The following HDAC1 variants were observed in gnomAD, a reference collection of about 807,000 sequenced individuals.
HDAC1 encodes histone deacetylase 1, also known as protein deacetylase HDAC1.
In HDAC1, 18 loss-of-function variants were observed where a neutral mutation model predicts 65.5. The ratio of observed to expected loss-of-function variants is 0.27; its 90% CI spans 0.19 to 0.41. The LOEUF (loss-of-function observed/expected upper bound fraction) is 0.41. Ranked by LOEUF, HDAC1 falls within the 10% of genes least tolerant of loss-of-function variation. The pLI is 1.00. For synonymous variants in HDAC1, 211 were observed against 227.9 expected, an observed-to-expected ratio of 0.93 and a Z score of 0.67; for missense variants, 373 against 625.2, an observed-to-expected ratio of 0.60 and a Z score of 4.30.
At chr1:32,321,322 G>GC (rs1321674211) in intron 3 of HDAC1, among the ~76,000 whole-genome samples, 3 of 151,866 alleles carry the variant, frequency 2.0e-5, no homozygotes, top group Non-Finnish European at 4.4e-5. Context: ...TACAGTTGAT[G>GC]CCCCCTTGGG....
rs1641320940 is a variant in HDAC1, at chr1:32,333,080, C to T, written c.*36C>T. The stretch of plus-strand genomic sequence containing the variant: ...CCAGCTCTGGCTTCCTGCTGAGTCC[C>T]TCACGTTTCTTCCCCAACCCCTCAG... On this transcript the variant is annotated 3_prime_UTR_variant, in exon 14 of 14. Coordinates refer to ENST00000373548, the MANE Select transcript of HDAC1 (RefSeq NM_004964.3). The T allele has an allele frequency of 1.9e-6, 3 of 1,581,764 alleles. No individual in the cohort carries two copies. The highest frequency in any genetic ancestry group is 1.7e-5 in the Admixed American group (1 of 59,662).
chr1:32,323,418 A>G (rs1210220776), intron 3 of HDAC1, among the ~76,000 whole-genome samples: 1 of 152,058 alleles, frequency 6.6e-6, no homozygotes, highest in South Asian at 2.1e-4. Context: ...TTTTTGAGAC[A>G]GGGTCTCACT....
At chr1:32,326,497 A>G (rs189667130) in intron 4 of HDAC1, among the ~76,000 whole-genome samples, 258 of 152,254 alleles carry the variant, frequency 1.7e-3, no homozygotes, top group Non-Finnish European at 2.9e-3. Flanking sequence ...TTCCTTGACC[A>G]TGAGCCATAG....
In HDAC1 at chr1:32,331,763, G is replaced by C. The variant is rs768154680; in HGVS notation, c.1176G>C (p.Glu392Asp). 22 of 1,613,916 alleles carry C rather than the reference G, an allele frequency of 1.4e-5. No homozygotes were observed. The highest frequency in any genetic ancestry group is 1.7e-5 in the Admixed American group (1 of 59,982). The part of the protein sequence containing the change: ...QAIPEDAIPE[E>D]SGDEDEDDPD... ...TTCCTGAGGACGCCATCCCTGAGGA[G>C]AGTGGCGATGAGGACGAAGACGACC... The change falls in exon 11 of 14, where the codon GAG becomes GAC. Residue 392 changes from glutamate to aspartate, a missense_variant. Physicochemically the swap from Glu to Asp is conservative, Grantham distance 45 (BLOSUM62 2). Around this residue, in one of 4 missense-constraint regions of HDAC1, gnomAD observed 126 missense variants for 126.2 expected, o/e 1.00. Coordinates refer to ENST00000373548, the MANE Select transcript of HDAC1 (RefSeq NM_004964.3). The surrounding 1 kb of genome is among the most constrained non-coding windows in gnomAD (Gnocchi z 4.2).
In HDAC1 at chr1:32,324,502, G is replaced by T; in HGVS notation, c.304G>T (p.Val102Leu). The T allele has an allele frequency of 6.2e-7, 1 of 1,613,054 alleles. No homozygotes were observed. The highest frequency in any genetic ancestry group is 8.5e-7 in the Non-Finnish European group (1 of 1,178,988). Reference sequence around the variant, plus strand: ...AGTCAACGTTGGTGAGGACTGTCCAGTATTCGATGGCCTGTTTGAGTTCTG... The same window carrying T: ...AGTCAACGTTGGTGAGGACTGTCCATTATTCGATGGCCTGTTTGAGTTCTG... ...QRFNVGEDCP[V>L]FDGLFEFCQL... Residue 102 changes from valine (V) to leucine (L), a missense_variant, in exon 4 of 14, where the codon GTA (valine) becomes TTA (leucine). Val to Leu is a conservative substitution (Grantham distance 32). Transcript: ENST00000373548.
intron 3 of HDAC1, among the ~76,000 whole-genome samples, chr1:32,318,046 G>A (rs989205230): frequency 1.3e-5 from 2 of 152,094 alleles, no homozygotes; most frequent in Admixed American, 6.6e-5. Flanking sequence ...CACAACCTCC[G>A]TCTCCCGGCT....
At chr1:32,298,814 A>G (rs1640807212) in intron 1 of HDAC1, among the ~76,000 whole-genome samples, 1 of 151,764 alleles carries the variant, frequency 6.6e-6, no homozygotes, top group Non-Finnish European at 1.5e-5. Context: ...CCTGGGCAAC[A>G]TGGTGAAACC....
At chr1:32,311,545 A>G (rs567121074) in intron 2 of HDAC1, among the ~76,000 whole-genome samples, 11 of 152,250 alleles carry the variant, frequency 7.2e-5, no homozygotes, top group African/African-American at 2.6e-4. Flanking sequence ...AAACCCGGGA[A>G]AGAAGGACAT....
intron 1 of HDAC1, 161 bp downstream of exon 1, chr1:32,292,379 C>A: frequency 1.0e-6 from 1 of 985,022 alleles, no homozygotes; most frequent in Non-Finnish European, 1.2e-6. Context: ...AGGGAGGAGG[C>A]TGCGAGGAAG....
intron 1 of HDAC1, among the ~76,000 whole-genome samples, chr1:32,294,331 T>C (rs1640738400): frequency 6.6e-6 from 1 of 151,036 alleles, no homozygotes; most frequent in Non-Finnish European, 1.5e-5. Context: ...GTATTTTTAT[T>C]AGAGATGGGG....
rs897441463 is a variant in HDAC1 at position 32,330,105 on chromosome 1, G to A, written c.730-473G>A. 15 of 170,898 alleles carry A rather than the reference G, an allele frequency of 8.8e-5. No individual in the cohort carries two copies. Among genetic ancestry groups the A allele is most frequent in the Middle Eastern group, 2.8e-3 (1 of 354 alleles). The allele number at this position is 170,898 out of a possible 1,614,324, so 10.6% of individuals were successfully genotyped here. A position where few individuals can be genotyped will look rare whatever the true frequency, so the allele number is the denominator to read the frequency against. The stretch of plus-strand genomic sequence containing the variant: ...AGCAAACACTGACTGCCCACTATGT[G>A]CCTAGTATTTAATAAGGGCTACAGA... On this transcript the variant is annotated intron_variant, in intron 7 of 13. Coordinates refer to ENST00000373548, the MANE Select transcript of HDAC1 (RefSeq NM_004964.3). The surrounding 1 kb of genome is among the most constrained non-coding windows in gnomAD (Gnocchi z 4.2).
At chr1:32,294,511 T>C (rs942706236) in intron 1 of HDAC1, among the ~76,000 whole-genome samples, 1 of 138,886 alleles carries the variant, frequency 7.2e-6, no homozygotes, top group African/African-American at 2.7e-5. Context: ...GTTGATAACT[T>C]TTTTTTTTTT....
chr1:32,316,591 T>C (rs1641067456), intron 2 of HDAC1, 74 bp from the exon 3 acceptor site: 3 of 829,032 alleles, frequency 3.6e-6, no homozygotes, highest in South Asian at 1.4e-5. Flanking sequence ...GCAGGAAATA[T>C]AAATATTCAA....
At chr1:32,321,158 G>C (rs1641137348) in intron 3 of HDAC1, among the ~76,000 whole-genome samples, 1 of 149,158 alleles carries the variant, frequency 6.7e-6, no homozygotes. Context: ...GTGAACCCAG[G>C]AGGCGGAGCT....
At chr1:32,302,376 A>G (rs992014323) in intron 1 of HDAC1, among the ~76,000 whole-genome samples, 4 of 151,384 alleles carry the variant, frequency 2.6e-5, no homozygotes, top group African/African-American at 4.9e-5. Context: ...CCCTCTTGCT[A>G]TGTAGTGCCT....
chr1:32,306,212 CAG>C (rs1206965852), intron 2 of HDAC1, among the ~76,000 whole-genome samples: 1 of 140,726 alleles, frequency 7.1e-6, no homozygotes, highest in Non-Finnish European at 1.5e-5. Flanking sequence ...TTTTTTGAGA[CAG>C]AGTTTTGCTC....
chr1:32,300,394 TA>T (rs1640831169), intron 1 of HDAC1, among the ~76,000 whole-genome samples: 1 of 151,734 alleles, frequency 6.6e-6, no homozygotes, highest in Non-Finnish European at 1.5e-5. Context: ...CCACCTCTAC[TA>T]AATATGAAAA....
chr1:32,330,952 G>A lies in HDAC1; in HGVS notation c.979+44G>A. The A allele has an allele frequency of 1.2e-6, 2 of 1,604,802 alleles. No homozygotes were observed. Among genetic ancestry groups the A allele is most frequent in the Non-Finnish European group, 8.5e-7 (1 of 1,171,980 alleles). On this transcript the variant is annotated intron_variant, in intron 9 of 13. Coordinates refer to ENST00000373548, the MANE Select transcript of HDAC1 (RefSeq NM_004964.3). The surrounding 1 kb of genome is among the most constrained non-coding windows in gnomAD (Gnocchi z 4.2). Reference sequence around the variant, plus strand: ...GGTTCGGCTGGGCTGGGTGGGAGCTGGAGCTCATCTGTCCTTAAGTTTATA... The same window carrying A: ...GGTTCGGCTGGGCTGGGTGGGAGCTAGAGCTCATCTGTCCTTAAGTTTATA...
intron 2 of HDAC1, among the ~76,000 whole-genome samples, chr1:32,315,976 A>T (rs1240991091): frequency 7.0e-6 from 1 of 142,832 alleles, no homozygotes; most frequent in South Asian, 2.3e-4. Context: ...AAACAAACAA[A>T]CAAACAAAAA....
Sources: gnomAD v4.1 joint callset for allele counts (sites outside exome capture counted in the v4.1 genomes callset) on GRCh38, gnomAD v4.1.1 for gene constraint, gnomAD v4.1.1 regional missense constraint, Gnocchi (gnomAD v3.1) non-coding constraint, MANE v1.5 for transcripts, NCBI Gene and HGNC (gene_info 2026-07-23, HGNC 2026-07-21) for gene names.